SCFD2: variants seen among roughly 807,000 people sequenced by gnomAD.
SCFD2 encodes sec1 family domain containing 2.
A neutral mutation model predicts 58.9 loss-of-function variants in SCFD2; 54 were observed. The ratio of observed to expected loss-of-function variants is 0.92; its 90% confidence interval spans 0.74 to 1.15. The LOEUF (loss-of-function observed/expected upper bound fraction) is 1.15. SCFD2 is among the 50% of genes most tolerant of loss of function. The probability of loss-of-function intolerance (pLI) is 0.00; values close to 1 mark genes in which losing one functional copy is unlikely to be tolerated. For missense variants in SCFD2, 805 were observed against 836.6 expected (o/e 0.96, Z 0.47); for synonymous variants, 321 against 335.9 (o/e 0.96, Z 0.49).
At chr4:53,212,261 T>C (rs1560387722) in intron 4 of SCFD2, among the ~76,000 whole-genome samples, 1 of 151,912 alleles carries the variant, frequency 6.6e-6, no homozygotes, top group Non-Finnish European at 1.5e-5. Flanking sequence ...CCATACATTA[T>C]AGCTTATAAA....
intron 4 of SCFD2, among the ~76,000 whole-genome samples, chr4:53,186,776 G>A (rs12511538): frequency 1.3e-5 from 2 of 151,948 alleles, no homozygotes; most frequent in African/African-American, 4.8e-5. Context: ...AAATGTTCAA[G>A]GGAGCCAGCT....
chr4:53,144,006 T>C (rs1226206613), intron 5 of SCFD2, among the ~76,000 whole-genome samples: 2 of 152,054 alleles, frequency 1.3e-5, no homozygotes, highest in Admixed American at 6.5e-5. Flanking sequence ...ATGAGTTATA[T>C]TGCAGTTATT....
intron 5 of SCFD2, chr4:52,956,510 C>G: frequency 3.2e-6 from 1 of 309,098 alleles, no homozygotes; most frequent in Non-Finnish European, 6.3e-6. Context: ...CTTTCTGTCT[C>G]TTGTCTCTTC....
At chr4:53,007,305 G>GGGAGA (rs1553913998) in intron 5 of SCFD2, among the ~76,000 whole-genome samples, 1 of 66,072 alleles carries the variant, frequency 1.5e-5, no homozygotes, top group African/African-American at 6.2e-5. Context: ...AGAGGGAGAG[G>GGGAGA]GAGAGAGAGA....
chr4:53,358,631 G>A (rs547003918), intron 1 of SCFD2, among the ~76,000 whole-genome samples: 21 of 151,222 alleles, frequency 1.4e-4, no homozygotes, highest in African/African-American at 3.2e-4. Flanking sequence ...AATTCCCATC[G>A]TTACCACCAT....
intron 3 of SCFD2, among the ~76,000 whole-genome samples, chr4:53,297,537 C>G (rs1254351710): frequency 1.3e-5 from 2 of 151,964 alleles, no homozygotes; most frequent in Non-Finnish European, 2.9e-5. Context: ...TTATTTTGAG[C>G]CTATGTGTGT....
chr4:53,061,684 G>A (rs1335360929), intron 5 of SCFD2, among the ~76,000 whole-genome samples: 1 of 152,088 alleles, frequency 6.6e-6, no homozygotes, highest in African/African-American at 2.4e-5. Context: ...TATTCATTGG[G>A]AAACATCACC....
At chr4:53,098,553 G>C (rs1232361735) in intron 5 of SCFD2, among the ~76,000 whole-genome samples, 2 of 152,086 alleles carry the variant, frequency 1.3e-5, no homozygotes, top group Admixed American at 6.6e-5. Context: ...TGTGGGATTG[G>C]TGGTGATATC....
intron 4 of SCFD2, among the ~76,000 whole-genome samples, chr4:53,191,135 G>A (rs778475101): frequency 5.9e-5 from 9 of 151,936 alleles, no homozygotes; most frequent in Non-Finnish European, 8.8e-5. Context: ...GTCACTTGAG[G>A]TCAGGAGTTC....
chr4:53,009,297 C>T (rs1722045556), intron 5 of SCFD2, among the ~76,000 whole-genome samples: 2 of 152,168 alleles, frequency 1.3e-5, no homozygotes. Flanking sequence ...TTTCCAAAGT[C>T]CTCATAGGCA....
At position 52,905,468 on chromosome 4, in the gene SCFD2, C is replaced by T. The variant is rs116442684; in HGVS notation, c.1842+1989G>A. On this transcript the variant is annotated intron_variant, in intron 7 of 8. Coordinates refer to ENST00000401642, the MANE Select transcript of SCFD2 (RefSeq NM_152540.4). ...GCCAGCCCACCAGAACTCTCCCCCA[C>T]CCCCTGTAGATAGATGAGATGCCCT... is the stretch of plus-strand genomic sequence containing the variant. Among the ~76,000 whole-genome samples the T allele has an allele frequency of 2.6e-3, 400 of 152,326 alleles. 2 individuals carry two copies. Among genetic ancestry groups the T allele is most frequent in the Admixed American group, 3.9e-3 (59 of 15,304 alleles).
intron 8 of SCFD2, among the ~76,000 whole-genome samples, chr4:52,876,611 G>A (rs953801548): frequency 2.0e-5 from 3 of 151,842 alleles, no homozygotes; most frequent in African/African-American, 4.8e-5. Context: ...TTAGGTGCGC[G>A]TGGCGGTGCA....
intron 4 of SCFD2, among the ~76,000 whole-genome samples, chr4:53,203,537 GT>G (rs1200246188): frequency 1.3e-5 from 2 of 151,496 alleles, no homozygotes; most frequent in Admixed American, 6.6e-5. Context: ...AAGTTTTGTT[GT>G]TTTTTTATAC....
intron 5 of SCFD2, among the ~76,000 whole-genome samples, chr4:53,063,374 T>C (rs1289958847): frequency 6.6e-6 from 1 of 152,098 alleles, no homozygotes; most frequent in Non-Finnish European, 1.5e-5. Context: ...TCTCCAAAGC[T>C]AATAAAAGAA....
At chr4:53,325,122 G>C (rs1256648746) in intron 2 of SCFD2, among the ~76,000 whole-genome samples, 1 of 150,000 alleles carries the variant, frequency 6.7e-6, no homozygotes, top group Non-Finnish European at 1.5e-5. Context: ...TCTTACTTTT[G>C]TTTCTGATAT....
intron 5 of SCFD2, among the ~76,000 whole-genome samples, chr4:53,028,521 C>T (rs563835790): frequency 2.2e-4 from 34 of 152,096 alleles, no homozygotes; most frequent in East Asian, 3.9e-4. Flanking sequence ...CTTATTTTTT[C>T]GGTGATTTCC....
chr4:53,207,335 G>T (rs1419165599), intron 4 of SCFD2, among the ~76,000 whole-genome samples: 1 of 147,668 alleles, frequency 6.8e-6, no homozygotes, highest in East Asian at 2.0e-4. Flanking sequence ...AAGGATGATG[G>T]CAAGAGGGGA....
At chr4:53,031,355 C>T (rs1722611272) in intron 5 of SCFD2, among the ~76,000 whole-genome samples, 2 of 152,170 alleles carry the variant, frequency 1.3e-5, no homozygotes, top group South Asian at 2.1e-4. Flanking sequence ...CTCTTCTCCT[C>T]TAAAAGGCCT....
At chr4:52,874,498 C>T (rs1024198178) in intron 8 of SCFD2, among the ~76,000 whole-genome samples, 1 of 152,210 alleles carries the variant, frequency 6.6e-6, no homozygotes, top group South Asian at 2.1e-4. Flanking sequence ...GAAGGCACAT[C>T]CAGGAGGTGG....
Sources: gnomAD v4.1 joint callset for allele counts (sites outside exome capture counted in the v4.1 genomes callset) on GRCh38, gnomAD v4.1.1 for gene constraint, MANE v1.5 for transcripts, NCBI Gene and HGNC (gene_info 2026-07-23, HGNC 2026-07-21) for gene names.